The following TMEM132B variants were observed in gnomAD, a reference collection of about 807,000 sequenced individuals.
TMEM132B encodes the protein transmembrane protein 132B.
A neutral mutation model predicts 90.8 loss-of-function variants in TMEM132B; 18 were observed. The observed-to-expected ratio is 0.20, with a 90% confidence interval of 0.14 to 0.29. The LOEUF is 0.29. Among genes scored for constraint, TMEM132B ranks in the 10% least tolerant of loss-of-function variants. The pLI is 1.00. For missense variants in TMEM132B, 1,096 were observed against 1,326.8 expected (o/e 0.83, Z 2.70); for synonymous variants, 504 against 523.3 (o/e 0.96, Z 0.50).
At chr12:125,298,963 G>A (rs973193421) in intron 1 of TMEM132B, among the ~76,000 whole-genome samples, 1 of 151,908 alleles carries the variant, frequency 6.6e-6, no homozygotes, top group Admixed American at 6.5e-5. Flanking sequence ...TCAATCTCCT[G>A]ACCTCGTGAT....
chr12:125,432,528 T>TATAGAG (rs1458075923), intron 3 of TMEM132B, among the ~76,000 whole-genome samples: 1,164 of 39,124 alleles, frequency 0.03, 315 homozygotes, highest in Non-Finnish European at 0.046. Flanking sequence ...TATATATATA[T>TATAGAG]AGAGAGAGAG....
chr12:125,507,077 G>A (rs1008079095), intron 3 of TMEM132B, among the ~76,000 whole-genome samples: 6 of 152,230 alleles, frequency 3.9e-5, no homozygotes, highest in Non-Finnish European at 7.3e-5. Flanking sequence ...GATGAATATT[G>A]AAATTGGAAG....
At chr12:125,448,227 C>A (rs1246457269) in intron 3 of TMEM132B, among the ~76,000 whole-genome samples, 3 of 151,114 alleles carry the variant, frequency 2.0e-5, no homozygotes, top group Non-Finnish European at 4.4e-5. Context: ...CCAGCCTGGG[C>A]AACAAGAGCA....
intron 1 of TMEM132B, among the ~76,000 whole-genome samples, chr12:125,299,510 C>T (rs942562116): frequency 3.3e-5 from 5 of 152,314 alleles, no homozygotes; most frequent in Middle Eastern, 3.4e-3. Flanking sequence ...GGGCTGATGG[C>T]GCCTGCTTCA....
At chr12:125,509,216 C>G (rs1882919347) in intron 3 of TMEM132B, among the ~76,000 whole-genome samples, 1 of 152,220 alleles carries the variant, frequency 6.6e-6, no homozygotes, top group Non-Finnish European at 1.5e-5. Context: ...TACATTCAGT[C>G]TTTCTCCAGC....
chr12:125,235,666 T>G (rs948865759), intron 1 of TMEM132B, among the ~76,000 whole-genome samples: 2 of 152,116 alleles, frequency 1.3e-5, no homozygotes, highest in African/African-American at 2.4e-5. Context: ...CTCTCTGTCT[T>G]TATGGATTGG....
At chr12:125,236,110 C>T (rs1873930065) in intron 1 of TMEM132B, among the ~76,000 whole-genome samples, 1 of 151,426 alleles carries the variant, frequency 6.6e-6, no homozygotes. Flanking sequence ...ACCAGCACTT[C>T]ATTCCTTTTA....
At chr12:125,539,482 C>T (rs559646295) in intron 4 of TMEM132B, among the ~76,000 whole-genome samples, 32 of 152,174 alleles carry the variant, frequency 2.1e-4, no homozygotes, top group East Asian at 3.9e-4. Context: ...TTCTTTCCTT[C>T]GCAGAATGAG....
chr12:125,252,910 G>A (rs1208750607), intron 1 of TMEM132B, among the ~76,000 whole-genome samples: 3 of 152,202 alleles, frequency 2.0e-5, no homozygotes, highest in Non-Finnish European at 4.4e-5. Flanking sequence ...CCAGACCTCT[G>A]GGACAGTTGT....
At chr12:125,597,495 G>T (rs11058260) in intron 5 of TMEM132B, among the ~76,000 whole-genome samples, 52,618 of 152,046 alleles carry the variant, frequency 0.35, 9,248 homozygotes, top group South Asian at 0.41. Context: ...AACCTATCAA[G>T]GCATGTTGTG....
chr12:125,199,925 A>G (rs1278456633), intron 1 of TMEM132B, among the ~76,000 whole-genome samples: 1 of 152,200 alleles, frequency 6.6e-6, no homozygotes, highest in Non-Finnish European at 1.5e-5. Flanking sequence ...ACATGGCTAC[A>G]TCTTGCTGCA....
At chr12:125,205,242 G>A (rs1458905411) in intron 1 of TMEM132B, among the ~76,000 whole-genome samples, 1 of 152,136 alleles carries the variant, frequency 6.6e-6, no homozygotes. Flanking sequence ...CGTGTGCCAG[G>A]CAGGGTGCTT....
At chr12:125,630,475 G>A (rs1037587744) in intron 5 of TMEM132B, among the ~76,000 whole-genome samples, 1 of 152,026 alleles carries the variant, frequency 6.6e-6, no homozygotes. Context: ...TGCAGTATCA[G>A]TTGTAATGTC....
intron 4 of TMEM132B, among the ~76,000 whole-genome samples, chr12:125,523,480 G>A (rs1219505197): frequency 6.6e-6 from 1 of 152,056 alleles, no homozygotes; most frequent in Non-Finnish European, 1.5e-5. Flanking sequence ...AGATAATTCA[G>A]GATAATCTCC....
rs933274681 is a variant in TMEM132B, at chr12:125,415,248, C to A, written c.960-283C>A. 2.0e-5 allele frequency among the ~76,000 whole-genome samples: 3 copies of A among 152,208 alleles called. No homozygotes were observed. Among genetic ancestry groups the A allele is most frequent in the East Asian group, 1.9e-4 (1 of 5,204 alleles). ...TGTCTCATTTGCATCATGCTGGGAT[C>A]CCTGGAGCAGCAAGTGATCTGGTTC... On this transcript the variant is annotated intron_variant, in intron 2 of 8. Coordinates refer to ENST00000682704, the MANE Select transcript of TMEM132B (RefSeq NM_001366854.1). The surrounding 1 kb of genome is among the most constrained non-coding windows in gnomAD (Gnocchi z 5.3).
chr12:125,414,014 T>C (rs1259221355), intron 2 of TMEM132B, among the ~76,000 whole-genome samples: 1 of 152,196 alleles, frequency 6.6e-6, no homozygotes, highest in Non-Finnish European at 1.5e-5. Flanking sequence ...GTATCTGTCT[T>C]TTTTATTTTA....
chr12:125,236,276 G>A (rs1431915289), intron 1 of TMEM132B, among the ~76,000 whole-genome samples: 1 of 152,006 alleles, frequency 6.6e-6, no homozygotes, highest in African/African-American at 2.4e-5. Context: ...CTCCTGAGTA[G>A]CTGGGATTAC....
At chr12:125,574,525 G>A (rs1884887261) in intron 4 of TMEM132B, among the ~76,000 whole-genome samples, 1 of 152,044 alleles carries the variant, frequency 6.6e-6, no homozygotes, top group Non-Finnish European at 1.5e-5. Flanking sequence ...AGATTCAACT[G>A]ACTCTACGGA....
rs1424064820 is a variant in TMEM132B, at chr12:125,658,893, A to G, written c.*4183A>G. ...TGATGGAATCTGCCAGAACATTTTCATCTTATTCTTCTTGACTTTTGGATT... is the reference window on the plus strand; with the variant it reads ...TGATGGAATCTGCCAGAACATTTTCGTCTTATTCTTCTTGACTTTTGGATT... On this transcript the variant is annotated 3_prime_UTR_variant, in exon 9 of 9. Coordinates refer to ENST00000682704, the MANE Select transcript of TMEM132B (RefSeq NM_001366854.1). 3 of 152,178 alleles carry G rather than the reference A, an allele frequency of 2.0e-5. No individual in the cohort carries two copies. The highest frequency in any genetic ancestry group is 3.9e-4 in the East Asian group (2 of 5,192). The allele number at this position is 152,178 out of a possible 1,614,324, so 9.4% of individuals were successfully genotyped here.
Sources: gnomAD v4.1 joint callset for allele counts (sites outside exome capture counted in the v4.1 genomes callset) on GRCh38, gnomAD v4.1.1 for gene constraint, Gnocchi (gnomAD v3.1) non-coding constraint, MANE v1.5 for transcripts, NCBI Gene and HGNC (gene_info 2026-07-23, HGNC 2026-07-21) for gene names.